Variants in DPP6 observed in about 807,000 individuals in gnomAD.
DPP6 encodes the protein A-type potassium channel modulatory protein DPP6.
DPP6 carries 69 observed loss-of-function variants against 122.6 expected under a neutral mutation model. That is an observed-to-expected ratio of 0.56 (90% CI 0.46 to 0.69). The LOEUF (loss-of-function observed/expected upper bound fraction) is 0.69, where lower values mean the gene tolerates loss of function less well. DPP6 is among the 30% of genes least tolerant of loss of function. The pLI is 0.00. For missense variants in DPP6, 928 were observed against 1,116.9 expected, an observed-to-expected ratio of 0.83 and a Z score of 2.41; for synonymous variants, 418 against 433.1, an observed-to-expected ratio of 0.97 and a Z score of 0.43.
At chr7:154,855,126 T>C (rs1175179757) in intron 17 of DPP6, among the ~76,000 whole-genome samples, 3 of 151,980 alleles carry the variant, frequency 2.0e-5, no homozygotes. Context: ...GAAAGGAGGC[T>C]CCAAACGTGT....
At chr7:154,407,995 G>A (rs1406270293) in intron 1 of DPP6, among the ~76,000 whole-genome samples, 1 of 152,198 alleles carries the variant, frequency 6.6e-6, no homozygotes, top group African/African-American at 2.4e-5. Flanking sequence ...GTTATCATGA[G>A]TTAATAAAGT....
chr7:154,537,986 A>T (rs534691850), intron 3 of DPP6, among the ~76,000 whole-genome samples: 1 of 152,250 alleles, frequency 6.6e-6, no homozygotes, highest in South Asian at 2.1e-4. Flanking sequence ...CAGAAATATG[A>T]TATAATATAA....
At chr7:154,882,944 G>A (rs7783483) in intron 21 of DPP6, among the ~76,000 whole-genome samples, 49,178 of 151,938 alleles carry the variant, frequency 0.32, 8,206 homozygotes, top group East Asian at 0.5. Flanking sequence ...TGCGCTTCAC[G>A]GTCTCAGTCA....
At chr7:153,858,781 G>A in the DPP6 span, among the ~76,000 whole-genome samples, 12,968 of 152,184 alleles carry the variant, frequency 0.085, 699 homozygotes, top group East Asian at 0.22. Context: ...ATATATAGGA[G>A]CTACTGAATG....
At chr7:153,844,484 G>A in the DPP6 span, among the ~76,000 whole-genome samples, 1 of 152,178 alleles carries the variant, frequency 6.6e-6, no homozygotes, top group Non-Finnish European at 1.5e-5. Flanking sequence ...ACAAAACTCT[G>A]GGTGACACCC....
chr7:154,797,187 T>C (rs573627853), intron 12 of DPP6, among the ~76,000 whole-genome samples: 47 of 152,356 alleles, frequency 3.1e-4, no homozygotes, highest in African/African-American at 1.1e-3. Context: ...GTTCAACCAA[T>C]ATTTATGGAT....
At chr7:154,592,757 T>G (rs1189705221) in intron 5 of DPP6, among the ~76,000 whole-genome samples, 1 of 152,056 alleles carries the variant, frequency 6.6e-6, no homozygotes, top group Non-Finnish European at 1.5e-5. Flanking sequence ...ATGTCCAGGA[T>G]GAGCAAACGG....
chr7:153,790,084 AACTT>A, the DPP6 span, among the ~76,000 whole-genome samples: 73 of 152,306 alleles, frequency 4.8e-4, no homozygotes, highest in Non-Finnish European at 6.2e-4. Context: ...TTCAGTAACT[AACTT>A]TTATAAATTT....
chr7:154,019,562 A>G (rs574949889), intron 1 of DPP6, among the ~76,000 whole-genome samples: 2 of 152,142 alleles, frequency 1.3e-5, no homozygotes, highest in South Asian at 4.1e-4. Flanking sequence ...ACTAGCTTCA[A>G]TAGCTGATCA....
At chr7:154,103,421 A>G (rs925087949) in intron 1 of DPP6, among the ~76,000 whole-genome samples, 3 of 152,178 alleles carry the variant, frequency 2.0e-5, no homozygotes, top group Non-Finnish European at 4.4e-5. Context: ...ATAAATGTCA[A>G]ATTATAAGTG....
intron 1 of DPP6, among the ~76,000 whole-genome samples, chr7:154,217,141 A>AC (rs1563328898): frequency 6.6e-6 from 1 of 151,098 alleles, no homozygotes; most frequent in Non-Finnish European, 1.5e-5. Context: ...CAGCACTCAA[A>AC]TTTTTTTTTG....
At chr7:153,894,914 C>A (rs1352251731) in intron 1 of DPP6, among the ~76,000 whole-genome samples, 1 of 151,956 alleles carries the variant, frequency 6.6e-6, no homozygotes, top group Non-Finnish European at 1.5e-5. Context: ...AGTCTTGTTC[C>A]CTGGGTTGTG....
rs114429519 is a variant in DPP6 at position 154,262,040 on chromosome 7, G to A, written c.244-184174G>A. Among the ~76,000 whole-genome samples the A allele has an allele frequency of 1.6e-3, 237 of 151,194 alleles. 2 individuals are homozygous for A. Among genetic ancestry groups the A allele is most frequent in the African/African-American group, 5.6e-3 (229 of 40,756 alleles). On this transcript the variant is annotated intron_variant, in intron 1 of 25. Coordinates refer to ENST00000377770, the MANE Select transcript of DPP6 (RefSeq NM_130797.4). ...GAGAGGGAGAGAGGGAGAGAGGGAG[G>A]AAGGAGAAAGAAGAGAGCTGGATTC...
intron 1 of DPP6, among the ~76,000 whole-genome samples, chr7:154,394,981 T>C (rs1184890112): frequency 6.6e-6 from 1 of 152,216 alleles, no homozygotes; most frequent in East Asian, 1.9e-4. Flanking sequence ...CTTTGTGTGG[T>C]GCCTTACTTC....
rs562430359 is a variant in DPP6, at chr7:154,663,411, A to G, written c.681-5949A>G. 4.8e-3 allele frequency among the ~76,000 whole-genome samples: 227 copies of G among 47,360 alleles called. 59 individuals are homozygous for G. Among genetic ancestry groups the G allele is most frequent in the African/African-American group, 8.3e-3 (204 of 24,696 alleles). The allele number at this position is 47,360 out of a possible 152,430, so 31.1% of individuals were successfully genotyped here. On this transcript the variant is annotated intron_variant, in intron 6 of 25. Transcript: ENST00000377770. The stretch of plus-strand genomic sequence containing the variant: ...TATTGGCGCTAGTATTCATATAGTC[A>G]TGATGAATCACCATAGCGTATTGGC...
At chr7:154,225,162 T>C (rs1028845219) in intron 1 of DPP6, among the ~76,000 whole-genome samples, 2 of 151,716 alleles carry the variant, frequency 1.3e-5, no homozygotes, top group African/African-American at 4.8e-5. Flanking sequence ...AATAAGTAAA[T>C]AAAAATAAAT....
At chr7:154,654,018 C>T (rs1346611849) in intron 6 of DPP6, among the ~76,000 whole-genome samples, 1 of 151,870 alleles carries the variant, frequency 6.6e-6, no homozygotes, top group African/African-American at 2.4e-5. Context: ...TGAATTTGTA[C>T]AGACTTTCTT....
At chr7:153,831,987 A>G in the DPP6 span, among the ~76,000 whole-genome samples, 1 of 152,216 alleles carries the variant, frequency 6.6e-6, no homozygotes, top group African/African-American at 2.4e-5. Context: ...TGAGCGCCTC[A>G]TAATAGGCAA....
chr7:153,935,158 C>T (rs1350184865), intron 1 of DPP6, among the ~76,000 whole-genome samples: 2 of 152,100 alleles, frequency 1.3e-5, no homozygotes, highest in East Asian at 1.9e-4. Context: ...AAACAAACTC[C>T]TCACTTGCTG....
Sources: allele counts gnomAD v4.1 joint callset (sites outside exome capture counted in the v4.1 genomes callset), GRCh38; gene constraint gnomAD v4.1.1; transcripts MANE v1.5; gene names NCBI Gene and HGNC (gene_info 2026-07-23, HGNC 2026-07-21).